PPEF1: variants seen among roughly 807,000 people sequenced by gnomAD.
PPEF1 encodes serine/threonine-protein phosphatase with EF-hands 1.
PPEF1 carries 12 observed loss-of-function variants against 53.3 expected under a neutral mutation model. The ratio of observed to expected loss-of-function variants is 0.23; its 90% confidence interval spans 0.14 to 0.36. The LOEUF (loss-of-function observed/expected upper bound fraction) is 0.36, where lower values mean the gene tolerates loss of function less well. PPEF1 is among the 10% of genes least tolerant of loss of function. The pLI is 1.00. For missense variants in PPEF1, 334 were observed against 490.4 expected (o/e 0.68, Z 3.01); for synonymous variants, 165 against 176.7 (o/e 0.93, Z 0.52).
chrX:18,676,159 T>A (rs1928668398), intron 1 of PPEF1: 1 of 110,845 alleles, frequency 9.0e-6, no homozygotes, highest in Non-Finnish European at 1.9e-5. Context: ...AAGGTGGGGA[T>A]CTGGATGTTC....
At chrX:18,786,943 T>A (rs7880279) in intron 9 of PPEF1, among the ~76,000 whole-genome samples, 4 of 109,569 alleles carry the variant, frequency 3.7e-5, no homozygotes, top group African/African-American at 1.3e-4. Flanking sequence ...GCCAGCCATT[T>A]TCTCAGGATA....
intron 4 of PPEF1, among the ~76,000 whole-genome samples, chrX:18,693,191 A>G (rs1191324795): frequency 8.9e-6 from 1 of 111,942 alleles, no homozygotes; most frequent in African/African-American, 3.3e-5. Context: ...CATGGTTTCC[A>G]CCCAGGCTGC....
intron 1 of PPEF1, among the ~76,000 whole-genome samples, chrX:18,708,930 T>C (rs1175134762): frequency 9.0e-6 from 1 of 111,447 alleles, no homozygotes; most frequent in Non-Finnish European, 1.9e-5. Flanking sequence ...TCACAGTTCT[T>C]TAAATTTAGC....
At chrX:18,727,138 C>T (rs1431582241) in intron 1 of PPEF1, among the ~76,000 whole-genome samples, 3 of 112,288 alleles carry the variant, frequency 2.7e-5, no homozygotes, top group Non-Finnish European at 5.6e-5. Context: ...CGAATCCTCA[C>T]TGTCTATTTC....
At chrX:18,768,412 C>T (rs762520095) in intron 6 of PPEF1, among the ~76,000 whole-genome samples, 1 of 112,391 alleles carries the variant, frequency 8.9e-6, no homozygotes, top group African/African-American at 3.2e-5. Flanking sequence ...CATGAATAGG[C>T]TCCAAGGCTG....
chrX:18,688,984 T>C (rs1324832413), intron 3 of PPEF1: 2 of 111,193 alleles, frequency 1.8e-5, no homozygotes, highest in Non-Finnish European at 1.9e-5. Flanking sequence ...AGATGAAGCC[T>C]TCAGGTAGCA....
intron 13 of PPEF1, among the ~76,000 whole-genome samples, chrX:18,819,888 A>G (rs1368223906): frequency 1.8e-5 from 2 of 110,858 alleles, no homozygotes; most frequent in Non-Finnish European, 3.8e-5. Flanking sequence ...AAATGAAGTT[A>G]AATCCAGACC....
chrX:18,743,718 G>A (rs185915636), intron 3 of PPEF1, among the ~76,000 whole-genome samples: 34 of 108,892 alleles, frequency 3.1e-4, no homozygotes, highest in African/African-American at 1.1e-3. Flanking sequence ...CAAAGTGCTG[G>A]GATTACAGGC....
In PPEF1 at chrX:18,821,095, C is replaced by T. The variant is rs752112903; in HGVS notation, c.1502-2828C>T. 1.0e-2 allele frequency among the ~76,000 whole-genome samples: 1,074 copies of T among 107,426 alleles called. 14 individuals carry two copies. The highest frequency in any genetic ancestry group is 0.033 in the African/African-American group (986 of 29,494). The allele number at this position is 107,426 out of a possible 115,157, so 93.3% of individuals were successfully genotyped here. On this transcript the variant is annotated intron_variant, in intron 13 of 15. Coordinates refer to ENST00000470157, the MANE Select transcript of PPEF1 (RefSeq NM_001377996.1). ...AAAATTAGCCAGGCGTGGTGGCGGG[C>T]GCCTGTAGTCCCAGCTACTCGGGAG...
At chrX:18,736,824 T>A (rs1435512898) in intron 3 of PPEF1, among the ~76,000 whole-genome samples, 95 of 92,948 alleles carry the variant, frequency 1.0e-3, no homozygotes, top group African/African-American at 1.7e-3. Flanking sequence ...ATTGGTCTAT[T>A]CAGAGATTCA....
chrX:18,734,972 GTTGT>G (rs1159515592), intron 3 of PPEF1, among the ~76,000 whole-genome samples: 1 of 111,887 alleles, frequency 8.9e-6, no homozygotes, highest in Non-Finnish European at 1.9e-5. Context: ...TTTTGATGAG[GTTGT>G]TTGATTTTTT....
At chrX:18,711,636 C>A (rs1253310975) in intron 1 of PPEF1, among the ~76,000 whole-genome samples, 1 of 100,848 alleles carries the variant, frequency 9.9e-6, no homozygotes, top group Non-Finnish European at 2.0e-5. Flanking sequence ...CCATTGAATC[C>A]TCTTAGCACC....
chrX:18,823,675 A>G (rs190735910), intron 13 of PPEF1, among the ~76,000 whole-genome samples: 1 of 110,587 alleles, frequency 9.0e-6, no homozygotes. Flanking sequence ...TTACTTTGTT[A>G]ATCAAAAAAA....
chrX:18,675,257 GC>G (rs1928631528), upstream of PPEF1, among the ~76,000 whole-genome samples: 1 of 113,453 alleles, frequency 8.8e-6, no homozygotes, highest in South Asian at 3.5e-4. Flanking sequence ...CGGCGGGGCG[GC>G]CCGGCGGCCG....
chrX:18,700,899 T>G (rs1930066994), intron 6 of PPEF1, among the ~76,000 whole-genome samples: 1 of 112,597 alleles, frequency 8.9e-6, no homozygotes, highest in Admixed American at 9.4e-5. Context: ...AAAATTCTCT[T>G]TAGTGATTTA....
intron 3 of PPEF1, chrX:18,688,885 T>C (rs374259440): frequency 9.0e-6 from 1 of 111,273 alleles, no homozygotes; most frequent in Non-Finnish European, 1.9e-5. Context: ...AGTTGACAGT[T>C]GGTTGAGTTT....
intron 6 of PPEF1, among the ~76,000 whole-genome samples, chrX:18,778,011 C>T (rs34007243): frequency 4.5e-5 from 5 of 111,488 alleles, no homozygotes; most frequent in Non-Finnish European, 9.4e-5. Flanking sequence ...TCCCAAGGTG[C>T]TGGGATTAAA....
intron 5 of PPEF1, among the ~76,000 whole-genome samples, chrX:18,699,681 CTGA>C (rs756876123): frequency 1.8e-5 from 2 of 111,510 alleles, no homozygotes; most frequent in Non-Finnish European, 3.8e-5. Context: ...TCCCTTTCTG[CTGA>C]TGAAGGGAGG....
chrX:18,743,928 G>A (rs999986505), intron 3 of PPEF1, among the ~76,000 whole-genome samples: 5 of 107,024 alleles, frequency 4.7e-5, no homozygotes, highest in African/African-American at 1.0e-4. Flanking sequence ...TCACTCTGTC[G>A]CCCAGGCTGG....
Sources: allele counts gnomAD v4.1 joint callset (sites outside exome capture counted in the v4.1 genomes callset), GRCh38; gene constraint gnomAD v4.1.1; transcripts MANE v1.5; gene names NCBI Gene and HGNC (gene_info 2026-07-23, HGNC 2026-07-21).